Variants in GHRH observed in about 807,000 individuals in gnomAD.
The protein encoded by GHRH is somatoliberin.
In GHRH, 7 loss-of-function variants were observed where a neutral mutation model predicts 15.6. That is an observed-to-expected ratio of 0.45 (90% confidence interval 0.26 to 0.84). GHRH has a LOEUF of 0.84. Ranked by LOEUF, GHRH falls within the 40% of genes least tolerant of loss-of-function variation. The probability of loss-of-function intolerance (pLI) is 0.18; values close to 1 mark genes in which losing one functional copy is unlikely to be tolerated. For synonymous variants in GHRH, 54 were observed against 50.4 expected (o/e 1.07, Z -0.30); for missense variants, 117 against 138.0 (o/e 0.85, Z 0.76).
chr20:37,255,855 C>A (rs2068652781), intron 3 of GHRH, among the ~76,000 whole-genome samples: 1 of 151,844 alleles, frequency 6.6e-6, no homozygotes, highest in African/African-American at 2.4e-5. Flanking sequence ...AATAGTGAGA[C>A]CCCATCTCTA....
At chr20:37,257,236 C>T (rs1405024693) in intron 1 of GHRH, among the ~76,000 whole-genome samples, 1 of 151,816 alleles carries the variant, frequency 6.6e-6, no homozygotes, top group Non-Finnish European at 1.5e-5. Context: ...GATTTGGGCT[C>T]AGGCACAGTG....
chr20:37,260,986 C>A (rs915806782), intron 1 of GHRH, among the ~76,000 whole-genome samples: 1 of 152,142 alleles, frequency 6.6e-6, no homozygotes, highest in Middle Eastern at 3.2e-3. Context: ...TTGAATATCC[C>A]CCTTTGAAAT....
intron 4 of GHRH, among the ~76,000 whole-genome samples, chr20:37,252,346 G>C (rs1049107387): frequency 2.0e-5 from 3 of 152,200 alleles, no homozygotes; most frequent in Non-Finnish European, 4.4e-5. Context: ...GGCTGGTGGT[G>C]TCTAATCGGG....
intron 4 of GHRH, among the ~76,000 whole-genome samples, chr20:37,251,532 C>T (rs2068621226): frequency 6.6e-6 from 1 of 152,074 alleles, no homozygotes; most frequent in South Asian, 2.1e-4. Flanking sequence ...CTCACCATCA[C>T]CACTCCCCAG....
At chr20:37,255,239 T>G (rs2146748679) in intron 3 of GHRH, among the ~76,000 whole-genome samples, 1 of 152,296 alleles carries the variant, frequency 6.6e-6, no homozygotes, top group South Asian at 2.1e-4. Context: ...GGAAGTCCAT[T>G]GTGCTTTTGT....
At chr20:37,257,374 G>T in intron 1 of GHRH, among the ~76,000 whole-genome samples, 1 of 152,038 alleles carries the variant, frequency 6.6e-6, no homozygotes, top group East Asian at 1.9e-4. Context: ...AATAAGACAG[G>T]AGTGGTGGCG....
At chr20:37,256,623 G>T in intron 2 of GHRH, 125 bp from the exon 3 acceptor site, 1 of 731,094 alleles carries the variant, frequency 1.4e-6, no homozygotes, top group Non-Finnish European at 2.3e-6. Context: ...CCCCAAGAGA[G>T]ACTCAGACCC....
At chr20:37,260,119 T>C (rs2068679983) in intron 1 of GHRH, among the ~76,000 whole-genome samples, 1 of 152,078 alleles carries the variant, frequency 6.6e-6, no homozygotes, top group African/African-American at 2.4e-5. Context: ...GGGCAAGTCA[T>C]AGTAAACACA....
At chr20:37,253,287 G>A (rs1025075223) in intron 4 of GHRH, among the ~76,000 whole-genome samples, 2 of 152,148 alleles carry the variant, frequency 1.3e-5, no homozygotes, top group East Asian at 1.9e-4. Flanking sequence ...CACGTCTCTC[G>A]TCTGCTGATC....
At chr20:37,261,036 A>C (rs2146753602) in intron 1 of GHRH, among the ~76,000 whole-genome samples, 1 of 152,346 alleles carries the variant, frequency 6.6e-6, no homozygotes. Flanking sequence ...TCTGGTTTAT[A>C]AACTGTTTCA....
intron 4 of GHRH, among the ~76,000 whole-genome samples, chr20:37,253,268 G>T (rs1418229941): frequency 6.6e-6 from 1 of 152,174 alleles, no homozygotes; most frequent in Non-Finnish European, 1.5e-5. Context: ...GCTGGGGAAC[G>T]ACAGTCATCA....
chr20:37,260,031 G>C (rs1031185048), intron 1 of GHRH, among the ~76,000 whole-genome samples: 12 of 152,184 alleles, frequency 7.9e-5, no homozygotes, highest in Non-Finnish European at 1.5e-4. Flanking sequence ...ACACCTGCTT[G>C]ATTGGCCCCT....
intron 1 of GHRH, among the ~76,000 whole-genome samples, chr20:37,260,455 C>G (rs1273109382): frequency 6.6e-6 from 1 of 151,720 alleles, no homozygotes; most frequent in African/African-American, 2.4e-5. Flanking sequence ...CATGGTGGCG[C>G]ATGCCTGTAG....
chr20:37,256,323 C>T (rs1481399375), intron 3 of GHRH, 71 bp downstream of exon 3: 17 of 914,856 alleles, frequency 1.9e-5, no homozygotes, highest in South Asian at 4.7e-5. Flanking sequence ...GTCCCTGGTC[C>T]CCTGTAGGGA....
intron 3 of GHRH, among the ~76,000 whole-genome samples, chr20:37,254,830 A>G (rs1012557846): frequency 1.3e-5 from 2 of 152,212 alleles, no homozygotes; most frequent in African/African-American, 4.8e-5. Flanking sequence ...AAAACTGTCA[A>G]TGTCATGAAA....
intron 4 of GHRH, among the ~76,000 whole-genome samples, chr20:37,252,564 C>T (rs976084677): frequency 1.3e-5 from 2 of 151,874 alleles, no homozygotes; most frequent in African/African-American, 2.4e-5. Flanking sequence ...GTCAGGAGTT[C>T]GAGACAAGCT....
intron 1 of GHRH, among the ~76,000 whole-genome samples, chr20:37,261,213 C>G (rs886896666): frequency 1.3e-5 from 2 of 152,112 alleles, no homozygotes; most frequent in South Asian, 2.1e-4. Flanking sequence ...AGGAGACAGG[C>G]GTGGGGTAGC....
At chr20:37,253,415 G>A (rs561235049) in intron 4 of GHRH, among the ~76,000 whole-genome samples, 3 of 152,310 alleles carry the variant, frequency 2.0e-5, no homozygotes, top group South Asian at 2.1e-4. Context: ...ACCTGCAGCC[G>A]AATCCTTGGG....
intron 1 of GHRH, among the ~76,000 whole-genome samples, chr20:37,257,871 A>G (rs551139486): frequency 6.6e-6 from 1 of 152,336 alleles, no homozygotes; most frequent in East Asian, 1.9e-4. Context: ...TGCTGTGTCT[A>G]CCTAAGACCA....
Sources: gnomAD v4.1 joint callset for allele counts (sites outside exome capture counted in the v4.1 genomes callset) on GRCh38, gnomAD v4.1.1 for gene constraint, MANE v1.5 for transcripts, NCBI Gene and HGNC (gene_info 2026-07-23, HGNC 2026-07-21) for gene names.